Variants in MAPRE2 observed in about 807,000 individuals in gnomAD.
MAPRE2 encodes the protein microtubule-associated protein RP/EB family member 2.
MAPRE2 carries 13 observed loss-of-function variants against 43.2 expected under a neutral mutation model. The ratio of observed to expected loss-of-function variants is 0.30; its 90% CI spans 0.20 to 0.48. The LOEUF (loss-of-function observed/expected upper bound fraction) is 0.48, where lower values mean the gene tolerates loss of function less well. Ranked by LOEUF, MAPRE2 falls within the 20% of genes least tolerant of loss-of-function variation. The pLI is 0.99. For synonymous variants in MAPRE2, 135 were observed against 148.8 expected (o/e 0.91, Z 0.68); for missense variants, 161 against 400.2 (o/e 0.40, Z 5.10).
At chr18:35,084,792 G>C (rs1386824767) in intron 2 of MAPRE2, among the ~76,000 whole-genome samples, 1 of 152,244 alleles carries the variant, frequency 6.6e-6, no homozygotes, top group Non-Finnish European at 1.5e-5. Context: ...GACAATGTCA[G>C]GTAGTGGAGA....
rs869103141 is a variant in MAPRE2 at position 34,984,857 on chromosome 18, TA to T, written c.-70+7782del. Reference sequence around the variant, plus strand: ...AATATTTTATATGTTATATAACATATAAAATATATAATATATTTTATGTTAT... The same window carrying T: ...AATATTTTATATGTTATATAACATATAAATATATAATATATTTTATGTTAT... On this transcript the variant is annotated intron_variant, in intron 1 of 7. Transcript: ENST00000413393. Among the ~76,000 whole-genome samples, 5 of 115,984 alleles carry T rather than the reference TA, an allele frequency of 4.3e-5. No homozygotes were observed. The East Asian group carries it at 1.2e-3, about 27-fold the overall frequency. 76.1% of individuals were successfully genotyped at this position (115,984 alleles called of 152,430 possible). A position where few individuals can be genotyped will look rare whatever the true frequency, so the allele number is the denominator to read the frequency against.
chr18:35,106,948 C>T (rs1430136596), intron 4 of MAPRE2, among the ~76,000 whole-genome samples: 1 of 152,120 alleles, frequency 6.6e-6, no homozygotes, highest in Admixed American at 6.6e-5. Flanking sequence ...ATCTGCAACT[C>T]AAGATAGCTG....
chr18:35,041,249 T>C, upstream of MAPRE2: 1 of 1,212,932 alleles, frequency 8.2e-7, no homozygotes, highest in Non-Finnish European at 1.1e-6. Context: ...CTGGAGCTGC[T>C]GGCGTGGTCA....
intron 1 of MAPRE2, among the ~76,000 whole-genome samples, chr18:34,977,367 G>C (rs576851476): frequency 2.6e-5 from 4 of 152,338 alleles, no homozygotes; most frequent in Admixed American, 2.6e-4. Context: ...GAGGGAGTTG[G>C]GGCTGCCACG....
upstream of MAPRE2, among the ~76,000 whole-genome samples, chr18:35,036,516 C>G (rs1265757017): frequency 5.9e-5 from 9 of 152,162 alleles, no homozygotes; most frequent in African/African-American, 2.2e-4. Context: ...GCCCCATCTC[C>G]TACCACTGTG....
chr18:35,066,666 A>C (rs997312269), intron 1 of MAPRE2, among the ~76,000 whole-genome samples: 1 of 152,270 alleles, frequency 6.6e-6, no homozygotes, highest in Non-Finnish European at 1.5e-5. Flanking sequence ...GGTGGATGGC[A>C]GTGCAGGAAT....
At chr18:35,011,882 G>A (rs2097034899) in intron 2 of MAPRE2, among the ~76,000 whole-genome samples, 1 of 152,142 alleles carries the variant, frequency 6.6e-6, no homozygotes, top group African/African-American at 2.4e-5. Context: ...GCTATGAAGA[G>A]AAGTAAAGAA....
At chr18:35,083,074 T>C (rs913938873) in intron 2 of MAPRE2, among the ~76,000 whole-genome samples, 2 of 152,206 alleles carry the variant, frequency 1.3e-5, no homozygotes, top group African/African-American at 4.8e-5. Context: ...CAGATGGGCA[T>C]TTCTTTAGAG....
At chr18:35,037,081 C>T (rs894373646), upstream of MAPRE2, among the ~76,000 whole-genome samples, 3 of 152,078 alleles carry the variant, frequency 2.0e-5, no homozygotes, top group African/African-American at 7.2e-5. Context: ...TGCTGTAGCA[C>T]TTGTGTTGTA....
At chr18:35,117,652 G>A (rs753047791) in intron 4 of MAPRE2, among the ~76,000 whole-genome samples, 23 of 152,112 alleles carry the variant, frequency 1.5e-4, no homozygotes, top group Non-Finnish European at 2.8e-4. Context: ...GTAAACAGGC[G>A]AAGGGGTACT....
chr18:35,061,464 C>A (rs985815384), intron 1 of MAPRE2, among the ~76,000 whole-genome samples: 1 of 152,164 alleles, frequency 6.6e-6, no homozygotes, highest in Admixed American at 6.5e-5. Flanking sequence ...CACACCCCTG[C>A]CACATGGAGA....
intron 1 of MAPRE2, among the ~76,000 whole-genome samples, chr18:34,982,215 T>G (rs745537105): frequency 9.9e-5 from 15 of 152,166 alleles, no homozygotes; most frequent in African/African-American, 1.4e-4. Flanking sequence ...CCTTTGGAAT[T>G]AACCAACCCC....
chr18:35,052,828 T>C (rs1174771268), intron 1 of MAPRE2, among the ~76,000 whole-genome samples: 2 of 152,230 alleles, frequency 1.3e-5, no homozygotes, highest in Admixed American at 6.5e-5. Flanking sequence ...TATGTTTTCA[T>C]GTGCATATTG....
At position 35,041,421 on chromosome 18, in the gene MAPRE2, A is replaced by C; in HGVS notation, c.-119A>C. ...GCGCGAGCGAGAGCTGGGAGAAGGCAGTGAGCGAGCAGGCGGCAGGCACGG... is the reference window on the plus strand; with the variant it reads ...GCGCGAGCGAGAGCTGGGAGAAGGCCGTGAGCGAGCAGGCGGCAGGCACGG... On this transcript the variant is annotated 5_prime_UTR_variant, in exon 1 of 7. Coordinates refer to ENST00000300249, the MANE Select transcript of MAPRE2 (RefSeq NM_014268.4). The C allele has an allele frequency of 1.1e-5, 17 of 1,565,904 alleles. No homozygotes were observed. The highest frequency in any genetic ancestry group is 1.5e-5 in the Non-Finnish European group (17 of 1,156,862).
At chr18:34,986,249 G>A (rs568957747) in intron 1 of MAPRE2, among the ~76,000 whole-genome samples, 3 of 152,136 alleles carry the variant, frequency 2.0e-5, no homozygotes, top group Non-Finnish European at 4.4e-5. Context: ...AAACTGGTAA[G>A]AGATGACAGG....
intron 1 of MAPRE2, among the ~76,000 whole-genome samples, chr18:34,994,301 C>T (rs1262385730): frequency 6.6e-6 from 1 of 152,124 alleles, no homozygotes; most frequent in African/African-American, 2.4e-5. Context: ...AACACGTAAT[C>T]TGTACAACAA....
intron 3 of MAPRE2, among the ~76,000 whole-genome samples, chr18:35,100,172 A>C (rs1240251739): frequency 6.6e-6 from 1 of 152,214 alleles, no homozygotes; most frequent in Non-Finnish European, 1.5e-5. Flanking sequence ...CTTGTGATTC[A>C]CATTCAGCTA....
Position 35,044,460 on chromosome 18 carries a change from C to T in MAPRE2, c.122+2799C>T, listed in dbSNP as rs570339475. Among the ~76,000 whole-genome samples, 8 of 152,288 alleles carry T rather than the reference C, an allele frequency of 5.3e-5. No individual in the cohort carries two copies. The South Asian group carries it at 6.2e-4, about 12-fold the overall frequency. On this transcript the variant is annotated intron_variant, in intron 1 of 6. Transcript: ENST00000300249. ...GGTCAGGCTGGTCTGTAACTCCTGG[C>T]CTCAAGTGATCCACCTGCCTTGGCC...
At chr18:35,136,935 C>A (rs1427706427) in intron 6 of MAPRE2, among the ~76,000 whole-genome samples, 3 of 152,240 alleles carry the variant, frequency 2.0e-5, no homozygotes, top group Admixed American at 6.5e-5. Context: ...TTAGGTGATG[C>A]TCTGGTGCAT....
Sources: gnomAD v4.1 joint callset for allele counts (sites outside exome capture counted in the v4.1 genomes callset) on GRCh38, gnomAD v4.1.1 for gene constraint, MANE v1.5 for transcripts, NCBI Gene and HGNC (gene_info 2026-07-23, HGNC 2026-07-21) for gene names.